PRKN: variants seen among roughly 807,000 people sequenced by gnomAD.
The protein encoded by PRKN is parkin RBR E3 ubiquitin protein ligase, also known as E3 ubiquitin-protein ligase parkin.
PRKN carries 56 observed loss-of-function variants against 59.5 expected under a neutral mutation model. The ratio of observed to expected loss-of-function variants is 0.94; its 90% CI spans 0.76 to 1.18. The LOEUF (loss-of-function observed/expected upper bound fraction) is 1.18. PRKN is among the 50% of genes most tolerant of loss of function. The pLI, the probability that PRKN is intolerant of heterozygous loss-of-function variation, is 0.00. For missense variants in PRKN, 657 were observed against 596.4 expected (o/e 1.10, Z -1.06); for synonymous variants, 250 against 222.1 (o/e 1.13, Z -1.12).
chr6:162,678,139 C>T (rs1192050040), intron 1 of PRKN, among the ~76,000 whole-genome samples: 2 of 152,120 alleles, frequency 1.3e-5, no homozygotes, highest in Non-Finnish European at 2.9e-5. Context: ...ATCAATAATT[C>T]CCTTTTATTG....
chr6:161,741,462 G>A (rs1788180828), intron 7 of PRKN, among the ~76,000 whole-genome samples: 1 of 152,138 alleles, frequency 6.6e-6, no homozygotes, highest in Non-Finnish European at 1.5e-5. Flanking sequence ...GAGGATCAAA[G>A]TATCTTGTGG....
At chr6:161,864,556 T>C (rs752923402) in intron 6 of PRKN, among the ~76,000 whole-genome samples, 1 of 152,244 alleles carries the variant, frequency 6.6e-6, no homozygotes, top group Non-Finnish European at 1.5e-5. Context: ...TTAATGTTGA[T>C]ATTTTGTCTT....
intron 1 of PRKN, among the ~76,000 whole-genome samples, chr6:162,635,114 T>A (rs1045546973): frequency 1.3e-5 from 2 of 152,200 alleles, no homozygotes; most frequent in African/African-American, 4.8e-5. Context: ...CTTCCTTTCA[T>A]GCAGGACAGT....
chr6:161,915,826 G>A (rs1328244276), intron 6 of PRKN, among the ~76,000 whole-genome samples: 1 of 152,166 alleles, frequency 6.6e-6, no homozygotes, highest in African/African-American at 2.4e-5. Context: ...TCAGAAACAT[G>A]AATATTTACC....
chr6:162,170,876 C>T (rs1783239918), intron 4 of PRKN, among the ~76,000 whole-genome samples: 1 of 152,002 alleles, frequency 6.6e-6, no homozygotes, highest in Non-Finnish European at 1.5e-5. Context: ...GTTAAATTTA[C>T]CACAAAGTTC....
intron 4 of PRKN, among the ~76,000 whole-genome samples, chr6:162,187,914 C>T (rs988148196): frequency 6.6e-6 from 1 of 152,046 alleles, no homozygotes; most frequent in Non-Finnish European, 1.5e-5. Flanking sequence ...GTGTCCCCAC[C>T]CAAATCTCAT....
intron 4 of PRKN, among the ~76,000 whole-genome samples, chr6:162,094,198 T>C (rs868129405): frequency 6.6e-6 from 1 of 151,750 alleles, no homozygotes; most frequent in Non-Finnish European, 1.5e-5. Context: ...GGAAGAAAAG[T>C]TGGAAAGGTG....
At chr6:161,703,485 T>C (rs1336513885) in intron 7 of PRKN, among the ~76,000 whole-genome samples, 2 of 152,194 alleles carry the variant, frequency 1.3e-5, no homozygotes, top group Admixed American at 6.5e-5. Context: ...ACACCAGGGC[T>C]GGCAAAGATG....
At position 161,812,801 on chromosome 6, in the gene PRKN, T is replaced by C. The variant is rs1791616591; in HGVS notation, c.735-26893A>G. ...ATTATTGTGGAGATACTTTAAAATG[T>C]TTTAAAAATAGTTTGGCAGTTTCTT... On this transcript the variant is annotated intron_variant, in intron 6 of 11. Coordinates refer to ENST00000366898, the MANE Select transcript of PRKN (RefSeq NM_004562.3). Among the ~76,000 whole-genome samples, 4 of 152,198 alleles carry C rather than the reference T, an allele frequency of 2.6e-5. No homozygotes were observed. In the South Asian group the frequency reaches 8.3e-4, roughly 31 times the overall value.
intron 1 of PRKN, among the ~76,000 whole-genome samples, chr6:162,518,875 A>G (rs564109237): frequency 6.6e-6 from 1 of 152,344 alleles, no homozygotes; most frequent in African/African-American, 2.4e-5. Flanking sequence ...CACATGGAGT[A>G]GTTTCACAAA....
chr6:162,504,525 T>C (rs776674696), intron 1 of PRKN, among the ~76,000 whole-genome samples: 2 of 152,158 alleles, frequency 1.3e-5, no homozygotes, highest in Non-Finnish European at 2.9e-5. Flanking sequence ...TATGACATCT[T>C]GGTGTACGAC....
chr6:161,808,514 T>A (rs974889284), intron 6 of PRKN, among the ~76,000 whole-genome samples: 4 of 152,172 alleles, frequency 2.6e-5, no homozygotes, highest in African/African-American at 4.8e-5. Flanking sequence ...GAAAAGGAGA[T>A]ATAGCAAATA....
intron 1 of PRKN, among the ~76,000 whole-genome samples, chr6:162,585,168 G>C (rs1189008641): frequency 6.6e-6 from 1 of 151,444 alleles, no homozygotes; most frequent in East Asian, 2.0e-4. Flanking sequence ...CAAAGTGCTG[G>C]GGTTACAGGC....
chr6:162,071,504 A>T (rs1019637214), intron 4 of PRKN, among the ~76,000 whole-genome samples: 7 of 152,112 alleles, frequency 4.6e-5, no homozygotes, highest in Non-Finnish European at 1.0e-4. Flanking sequence ...CAAAAGTTCC[A>T]ATAGGATCCC....
chr6:161,990,047 C>T (rs1452501246), intron 5 of PRKN, among the ~76,000 whole-genome samples: 3 of 152,110 alleles, frequency 2.0e-5, no homozygotes, highest in Non-Finnish European at 4.4e-5. Context: ...ATGAATGATG[C>T]CACACACCAC....
intron 1 of PRKN, among the ~76,000 whole-genome samples, chr6:162,658,393 G>A (rs567614393): frequency 1.1e-4 from 17 of 152,154 alleles, no homozygotes; most frequent in African/African-American, 1.4e-4. Context: ...TGTGTTAGCC[G>A]GGCATGGCGG....
chr6:161,926,306 A>G (rs1278648565), intron 6 of PRKN, among the ~76,000 whole-genome samples: 1 of 152,090 alleles, frequency 6.6e-6, no homozygotes, highest in African/African-American at 2.4e-5. Flanking sequence ...TTTCCCTATT[A>G]TATATTCCTG....
chr6:162,432,294 G>A (rs993410618), intron 2 of PRKN, among the ~76,000 whole-genome samples: 9 of 152,108 alleles, frequency 5.9e-5, no homozygotes, highest in Admixed American at 2.6e-4. Flanking sequence ...TTGGGAGGCC[G>A]AGGCAGACGG....
At chr6:161,667,280 C>T (rs528548605) in intron 7 of PRKN, among the ~76,000 whole-genome samples, 2 of 152,300 alleles carry the variant, frequency 1.3e-5, no homozygotes, top group South Asian at 4.1e-4. Flanking sequence ...CCTGCAGCCC[C>T]CACCTTCTGC....
Sources: gnomAD v4.1 joint callset for allele counts (sites outside exome capture counted in the v4.1 genomes callset) on GRCh38, gnomAD v4.1.1 for gene constraint, MANE v1.5 for transcripts, NCBI Gene and HGNC (gene_info 2026-07-23, HGNC 2026-07-21) for gene names.